MEIKIN: variants seen among roughly 807,000 people sequenced by gnomAD.
MEIKIN encodes meiotic kinetochore factor, also known as meiosis-specific kinetochore protein.
At chr5:131,836,809 C>T (rs1749817410) in intron 11 of MEIKIN, among the ~76,000 whole-genome samples, 2 of 151,778 alleles carry the variant, frequency 1.3e-5, no homozygotes, top group South Asian at 2.1e-4. Context: ...TTGTTAGATG[C>T]ATAGTTTGGG....
chr5:131,859,202 A>G (rs1750242782), intron 9 of MEIKIN, among the ~76,000 whole-genome samples: 1 of 152,230 alleles, frequency 6.6e-6, no homozygotes, highest in South Asian at 2.1e-4. Flanking sequence ...AGACTGGATA[A>G]AGAAAATGTG....
At chr5:131,892,116 T>C (rs1257402315) in intron 8 of MEIKIN, among the ~76,000 whole-genome samples, 2 of 152,178 alleles carry the variant, frequency 1.3e-5, no homozygotes, top group African/African-American at 4.8e-5. Flanking sequence ...CCTTTGTGGG[T>C]AACCCAACCT....
intron 8 of MEIKIN, among the ~76,000 whole-genome samples, chr5:131,895,701 A>G (rs1240182121): frequency 2.0e-5 from 3 of 152,046 alleles, no homozygotes; most frequent in Admixed American, 1.3e-4. Flanking sequence ...ATTTTCTGAT[A>G]GTAGTTTGTA....
chr5:131,840,407 C>T (rs1198208075), intron 11 of MEIKIN, among the ~76,000 whole-genome samples: 1 of 152,150 alleles, frequency 6.6e-6, no homozygotes, highest in African/African-American at 2.4e-5. Context: ...ATGTTGGCCT[C>T]TCTAGCTAGG....
At chr5:131,872,064 A>C (rs1303325231) in intron 9 of MEIKIN, among the ~76,000 whole-genome samples, 3 of 152,172 alleles carry the variant, frequency 2.0e-5, no homozygotes, top group Non-Finnish European at 4.4e-5. Flanking sequence ...AGAGCAGAAA[A>C]ACTGGAAACT....
chr5:131,843,897 G>A (rs994125952), intron 11 of MEIKIN, among the ~76,000 whole-genome samples: 13 of 152,124 alleles, frequency 8.5e-5, no homozygotes, highest in Middle Eastern at 3.2e-3. Context: ...TTCTGTATTA[G>A]TCTGTTCTCA....
chr5:131,844,499 A>C (rs775711310), intron 11 of MEIKIN, among the ~76,000 whole-genome samples: 6 of 152,178 alleles, frequency 3.9e-5, no homozygotes, highest in Non-Finnish European at 8.8e-5. Flanking sequence ...TGACTTGAGG[A>C]GATGTAGCTG....
chr5:131,926,556 G>C (rs1330818632), intron 5 of MEIKIN, among the ~76,000 whole-genome samples: 1 of 152,154 alleles, frequency 6.6e-6, no homozygotes. Flanking sequence ...TAAAGAATTA[G>C]TTTGAAAGTG....
At chr5:131,895,871 G>A (rs1271361601) in intron 8 of MEIKIN, among the ~76,000 whole-genome samples, 1 of 152,018 alleles carries the variant, frequency 6.6e-6, no homozygotes, top group African/African-American at 2.4e-5. Flanking sequence ...AGGGTTTTTT[G>A]TGTCTCTATC....
At chr5:131,880,328 C>G (rs1750683898) in intron 8 of MEIKIN, among the ~76,000 whole-genome samples, 1 of 150,392 alleles carries the variant, frequency 6.6e-6, no homozygotes, top group Non-Finnish European at 1.5e-5. Flanking sequence ...GTCTCAAACT[C>G]CTGACCTCAG....
At chr5:131,899,106 A>G (rs2149638099) in intron 8 of MEIKIN, among the ~76,000 whole-genome samples, 1 of 152,318 alleles carries the variant, frequency 6.6e-6, no homozygotes, top group East Asian at 1.9e-4. Context: ...ATGATGAACT[A>G]GCCAAAAATA....
At chr5:131,868,782 C>T (rs1256971407) in intron 9 of MEIKIN, among the ~76,000 whole-genome samples, 1 of 152,002 alleles carries the variant, frequency 6.6e-6, no homozygotes, top group Non-Finnish European at 1.5e-5. Flanking sequence ...GATCTGCCTG[C>T]CTTGGCCTCC....
At chr5:131,910,136 C>G (rs1363596835) in intron 8 of MEIKIN, among the ~76,000 whole-genome samples, 2 of 152,138 alleles carry the variant, frequency 1.3e-5, no homozygotes, top group African/African-American at 4.8e-5. Context: ...TGTTTCAGCA[C>G]TATTCACAAC....
At chr5:131,820,452 T>G (rs1196009528) in intron 11 of MEIKIN, among the ~76,000 whole-genome samples, 1 of 152,214 alleles carries the variant, frequency 6.6e-6, no homozygotes, top group Non-Finnish European at 1.5e-5. Context: ...GATTTTTCCA[T>G]CAATATTCAT....
intron 8 of MEIKIN, among the ~76,000 whole-genome samples, chr5:131,889,898 T>C: frequency 6.6e-6 from 1 of 152,210 alleles, no homozygotes; most frequent in East Asian, 1.9e-4. Context: ...CAATACCTAA[T>C]TTATTGAGAG....
At chr5:131,814,615 GA>G (rs2149601230) in intron 12 of MEIKIN, among the ~76,000 whole-genome samples, 1 of 152,252 alleles carries the variant, frequency 6.6e-6, no homozygotes, top group South Asian at 2.1e-4. Flanking sequence ...AAGAAAAGAA[GA>G]AAAGAAAAGA....
chr5:131,938,165 CTTTTT>C (rs3043872), intron 4 of MEIKIN, among the ~76,000 whole-genome samples: 59 of 126,628 alleles, frequency 4.7e-4, no homozygotes, highest in Non-Finnish European at 7.8e-4. Flanking sequence ...CCCTCACCCC[CTTTTT>C]TTTTTTTTTT....
chr5:131,842,446 G>A (rs1221508764), intron 11 of MEIKIN, among the ~76,000 whole-genome samples: 2 of 152,104 alleles, frequency 1.3e-5, no homozygotes, highest in Non-Finnish European at 2.9e-5. Context: ...TATCATTAAT[G>A]GCCTTTATTG....
At position 131,925,966 on chromosome 5, in the gene MEIKIN, C is replaced by T. The variant is rs145899200; in HGVS notation, c.479-4025G>A. Among the ~76,000 whole-genome samples, 1,471 of 152,292 alleles carry T rather than the reference C, an allele frequency of 9.7e-3. 58 individuals carry two copies. Among genetic ancestry groups the T allele is most frequent in the Admixed American group, 0.073 (1,117 of 15,296 alleles). On this transcript the variant is annotated intron_variant, in intron 5 of 12. Coordinates refer to ENST00000442687, the MANE Select transcript of MEIKIN (RefSeq NM_001303622.2). ...ACAGGTGTGAGCCACCACACCCAGC[C>T]TTGTGGTGTCTTTAGAGTGTTTTAC...
Sources: gnomAD v4.1 joint callset for allele counts (sites outside exome capture counted in the v4.1 genomes callset) on GRCh38, gnomAD v4.1.1 for gene constraint, MANE v1.5 for transcripts, NCBI Gene and HGNC (gene_info 2026-07-23, HGNC 2026-07-21) for gene names.